The following GFRA2 variants were observed in gnomAD, a reference collection of about 807,000 sequenced individuals.
The protein encoded by GFRA2 is GDNF family receptor alpha-2.
GFRA2 carries 17 observed loss-of-function variants against 48.3 expected under a neutral mutation model. That is an observed-to-expected ratio of 0.35 (90% CI 0.24 to 0.53). The LOEUF (loss-of-function observed/expected upper bound fraction) is 0.53. GFRA2 is among the 20% of genes least tolerant of loss of function. The pLI is 0.93. For synonymous variants in GFRA2, 305 were observed against 257.2 expected (o/e 1.19, Z -1.78); for missense variants, 660 against 637.3 (o/e 1.04, Z -0.38).
chr8:21,706,136 G>C (rs1053829442), intron 4 of GFRA2, 95 bp from the exon 5 acceptor site: 18 of 775,138 alleles, frequency 2.3e-5, no homozygotes, highest in Middle Eastern at 2.3e-4. Context: ...CCTCCCTGCA[G>C]CTTCCCAGGG....
At chr8:21,731,074 A>G (rs1268617065) in intron 4 of GFRA2, among the ~76,000 whole-genome samples, 1 of 152,006 alleles carries the variant, frequency 6.6e-6, no homozygotes, top group Non-Finnish European at 1.5e-5. Flanking sequence ...CCCTGCCACC[A>G]TGTGATCCCC....
intron 4 of GFRA2, among the ~76,000 whole-genome samples, chr8:21,710,288 G>A (rs565432210): frequency 1.4e-4 from 22 of 152,348 alleles, no homozygotes; most frequent in African/African-American, 4.1e-4. Flanking sequence ...AATGGCAGGC[G>A]CCCGATGGAG....
intron 4 of GFRA2, among the ~76,000 whole-genome samples, chr8:21,730,365 T>C (rs745746618): frequency 6.6e-6 from 1 of 151,592 alleles, no homozygotes; most frequent in Non-Finnish European, 1.5e-5. Flanking sequence ...ATAGTGCCAT[T>C]GCATTCCAGC....
At chr8:21,760,078 G>C (rs181845750) in intron 3 of GFRA2, among the ~76,000 whole-genome samples, 2 of 152,260 alleles carry the variant, frequency 1.3e-5, no homozygotes, top group African/African-American at 4.8e-5. Context: ...CTATGAGCTT[G>C]GCACGTTCCT....
chr8:21,734,584 A>T (rs1804357511), intron 4 of GFRA2, among the ~76,000 whole-genome samples: 1 of 152,296 alleles, frequency 6.6e-6, no homozygotes, highest in Non-Finnish European at 1.5e-5. Context: ...CAAAGATGGG[A>T]TATCTCCCAA....
At chr8:21,762,856 C>T in intron 3 of GFRA2, among the ~76,000 whole-genome samples, 1 of 151,956 alleles carries the variant, frequency 6.6e-6, no homozygotes, top group South Asian at 2.1e-4. Context: ...CATTCTCATA[C>T]AAAATTCCCA....
chr8:21,747,793 C>CAT, intron 4 of GFRA2, among the ~76,000 whole-genome samples: 1 of 149,718 alleles, frequency 6.7e-6, no homozygotes, highest in South Asian at 2.1e-4. Context: ...CACACACACA[C>CAT]ACACACACGC....
chr8:21,696,183 C>T (rs186896232), intron 7 of GFRA2, among the ~76,000 whole-genome samples: 1 of 140,098 alleles, frequency 7.1e-6, no homozygotes, highest in Admixed American at 7.1e-5. Flanking sequence ...TCTCCCCTCC[C>T]CTCTCCCTCT....
Position 21,750,107 on chromosome 8 carries a change from A to ACACACACACACACACACACACG in GFRA2, c.794+480_794+481insCGTGTGTGTGTGTGTGTGTGTG, listed in dbSNP as rs201515239. Among the ~76,000 whole-genome samples the ACACACACACACACACACACACG allele has an allele frequency of 9.9e-3, 1,496 of 150,684 alleles. 14 individuals are homozygous for ACACACACACACACACACACACG. Among genetic ancestry groups the ACACACACACACACACACACACG allele is most frequent in the Non-Finnish European group, 0.012 (820 of 67,732 alleles). On this transcript the variant is annotated intron_variant, in intron 4 of 8. Transcript: ENST00000524240. The surrounding 1 kb of genome is among the most constrained non-coding windows in gnomAD (Gnocchi z 5.7). Reference sequence around the variant, plus strand: ...TGTGTATACACACACACACACACACACACGCACATATATAGGTAGAGACTG... The same window carrying ACACACACACACACACACACACG: ...TGTGTATACACACACACACACACACACACACACACACACACACACACGCACGCACATATATAGGTAGAGACTG...
chr8:21,779,743 T>A (rs770107367), intron 2 of GFRA2: 1 of 152,238 alleles, frequency 6.6e-6, no homozygotes, highest in Non-Finnish European at 1.5e-5. Flanking sequence ...TACTTTGCTA[T>A]TAATGATGGT....
chr8:21,782,411 C>A (rs1807038826), intron 2 of GFRA2, among the ~76,000 whole-genome samples, 174 bp downstream of exon 2: 1 of 151,928 alleles, frequency 6.6e-6, no homozygotes, highest in African/African-American at 2.4e-5. Flanking sequence ...CAATGCCACC[C>A]TCCTAGGTGG....
At chr8:21,728,271 T>TG (rs1554489394) in intron 4 of GFRA2, among the ~76,000 whole-genome samples, 3 of 133,220 alleles carry the variant, frequency 2.3e-5, no homozygotes, top group South Asian at 2.9e-4. Flanking sequence ...CCAGGTTTTT[T>TG]TTTTTTTTTT....
intron 4 of GFRA2, among the ~76,000 whole-genome samples, chr8:21,733,766 G>A (rs1804314656): frequency 6.6e-6 from 1 of 152,172 alleles, no homozygotes; most frequent in Non-Finnish European, 1.5e-5. Flanking sequence ...GCTGAGGTTT[G>A]ATGACCATTT....
chr8:21,778,227 C>T lies in GFRA2; in HGVS notation c.356-3172G>A, dbSNP rs762966767. Among the ~76,000 whole-genome samples the T allele has an allele frequency of 4.5e-3, 692 of 152,240 alleles. 3 individuals are homozygous for T. Among genetic ancestry groups the T allele is most frequent in the Non-Finnish European group, 6.5e-3 (444 of 68,012 alleles). On this transcript the variant is annotated intron_variant, in intron 2 of 8. Coordinates refer to ENST00000524240, the MANE Select transcript of GFRA2 (RefSeq NM_001495.5). ...GTTATCAAGGAACAGGGAGGAAGGA[C>T]TCGCAGCCTCCCTCAGGGAGACTGC...
intron 4 of GFRA2, among the ~76,000 whole-genome samples, chr8:21,714,464 G>A (rs28607545): frequency 1.3e-5 from 2 of 151,328 alleles, no homozygotes; most frequent in Admixed American, 6.6e-5. Flanking sequence ...GTTGCCCAGG[G>A]GGTCTCAAAC....
chr8:21,733,650 C>G (rs1433393324), intron 4 of GFRA2, among the ~76,000 whole-genome samples: 2 of 152,218 alleles, frequency 1.3e-5, no homozygotes, highest in African/African-American at 4.8e-5. Context: ...TAAAGTACAT[C>G]TCTCTGCAGC....
At chr8:21,786,869 T>A (rs1308066707) in intron 1 of GFRA2, among the ~76,000 whole-genome samples, 21 of 152,226 alleles carry the variant, frequency 1.4e-4, no homozygotes, top group Admixed American at 1.4e-3. Context: ...GATCCCCTAC[T>A]GCAGGAGGGA....
intron 2 of GFRA2, 52 bp downstream of exon 2, chr8:21,782,531 CCT>C: frequency 7.3e-7 from 1 of 1,368,474 alleles, no homozygotes; most frequent in Non-Finnish European, 1.0e-6. Flanking sequence ...CGCCACACGT[CCT>C]CTCTGCCTGC....
At chr8:21,766,254 C>A (rs1806144512) in intron 3 of GFRA2, among the ~76,000 whole-genome samples, 1 of 152,106 alleles carries the variant, frequency 6.6e-6, no homozygotes, top group South Asian at 2.1e-4. Flanking sequence ...CCAGTCACCT[C>A]TGTCCCATCA....
Sources: gnomAD v4.1 joint callset for allele counts (sites outside exome capture counted in the v4.1 genomes callset) on GRCh38, gnomAD v4.1.1 for gene constraint, Gnocchi (gnomAD v3.1) non-coding constraint, MANE v1.5 for transcripts, NCBI Gene and HGNC (gene_info 2026-07-23, HGNC 2026-07-21) for gene names.